CCDC171: variants seen among roughly 807,000 people sequenced by gnomAD.
The protein encoded by CCDC171 is coiled-coil domain-containing protein 171.
In CCDC171, 177 loss-of-function variants were observed where a neutral mutation model predicts 168.2. That is an observed-to-expected ratio of 1.05 (90% CI 0.93 to 1.19). The LOEUF is 1.19. CCDC171 is among the 50% of genes most tolerant of loss of function. The pLI is 0.00. For synonymous variants in CCDC171, 687 were observed against 540.8 expected (o/e 1.27, Z -3.75); for missense variants, 1,991 against 1,539.0 (o/e 1.29, Z -4.91).
intron 11 of CCDC171, among the ~76,000 whole-genome samples, chr9:15,715,140 C>T (rs769819671): frequency 1.1e-4 from 16 of 152,150 alleles, no homozygotes; most frequent in African/African-American, 1.4e-4. Flanking sequence ...AACTCATCAA[C>T]GAAGCAGGGA....
intron 3 of CCDC171, among the ~76,000 whole-genome samples, chr9:16,019,445 T>C (rs1043744348): frequency 1.3e-5 from 2 of 152,202 alleles, no homozygotes; most frequent in Non-Finnish European, 2.9e-5. Context: ...GTTAGGAAGA[T>C]AGAAGGCTAC....
chr9:15,822,935 C>G (rs1397302958), intron 21 of CCDC171, among the ~76,000 whole-genome samples: 3 of 152,110 alleles, frequency 2.0e-5, no homozygotes, highest in African/African-American at 4.8e-5. Context: ...GGAACCAACC[C>G]AAATGTCCAA....
intron 25 of CCDC171, among the ~76,000 whole-genome samples, chr9:15,958,508 G>A (rs1830026139): frequency 8.2e-6 from 1 of 122,308 alleles, no homozygotes; most frequent in Admixed American, 8.1e-5. Flanking sequence ...TAATAACACG[G>A]AGGTGAGGTA....
intron 24 of CCDC171, among the ~76,000 whole-genome samples, chr9:15,909,504 A>G (rs527887215): frequency 4.6e-5 from 7 of 152,232 alleles, no homozygotes; most frequent in Admixed American, 4.6e-4. Context: ...ACAACTTTTT[A>G]CTGGAATGGA....
intron 3 of CCDC171, among the ~76,000 whole-genome samples, chr9:16,019,401 C>A (rs1456128776): frequency 6.6e-6 from 1 of 152,168 alleles, no homozygotes; most frequent in Non-Finnish European, 1.5e-5. Flanking sequence ...CAAGTAGAGA[C>A]TAATTCCCTG....
intron 7 of CCDC171, among the ~76,000 whole-genome samples, chr9:15,653,893 C>CT (rs1564145438): frequency 6.6e-6 from 1 of 152,176 alleles, no homozygotes. Flanking sequence ...ACGGGGGCCA[C>CT]TGTGCCTGGC....
At chr9:16,093,561 G>C in the CCDC171 span, among the ~76,000 whole-genome samples, 2 of 152,242 alleles carry the variant, frequency 1.3e-5, no homozygotes, top group African/African-American at 4.8e-5. Context: ...GAAAGAAGGA[G>C]AAAAGAATAG....
rs536638201 is a variant in CCDC171 at position 15,599,115 on chromosome 9, G to A, written c.675+4943G>A. Reference sequence around the variant, plus strand: ...GACTCTTTATCCAATTTGCCAGTGTGTGTCTTTTAATTGGAGCATTTAGCC... The same window carrying A: ...GACTCTTTATCCAATTTGCCAGTGTATGTCTTTTAATTGGAGCATTTAGCC... On this transcript the variant is annotated intron_variant, in intron 6 of 25. Transcript: ENST00000380701. 6.7e-3 allele frequency among the ~76,000 whole-genome samples: 1,026 copies of A among 152,264 alleles called. 9 individuals carry two copies. The highest frequency in any genetic ancestry group is 0.024 in the African/African-American group (999 of 41,526).
chr9:15,811,692 A>T (rs1404979233), intron 21 of CCDC171, among the ~76,000 whole-genome samples: 1 of 152,070 alleles, frequency 6.6e-6, no homozygotes, highest in East Asian at 1.9e-4. Flanking sequence ...TCCTTAGGAG[A>T]CCTCAGATTC....
At position 15,558,808 on chromosome 9, in the gene CCDC171, C is replaced by G. The variant is rs2039025636; in HGVS notation, c.-111-5170C>G. Among the ~76,000 whole-genome samples the G allele has an allele frequency of 2.0e-5, 3 of 152,052 alleles. No individual in the cohort carries two copies. The South Asian group carries it at 6.2e-4, about 32-fold the overall frequency. On this transcript the variant is annotated intron_variant, in intron 1 of 25. Coordinates refer to ENST00000380701, the MANE Select transcript of CCDC171 (RefSeq NM_173550.4). ...TGTGTTTGCTGTTGCTTCTCTAGTT[C>G]TTTTAATTGTGATGTTAGGGTATCA... is the stretch of plus-strand genomic sequence containing the variant.
chr9:15,920,147 T>A, intron 24 of CCDC171, 123 bp from the exon 25 acceptor site: 1 of 557,356 alleles, frequency 1.8e-6, no homozygotes, highest in Non-Finnish European at 2.9e-6. Context: ...GCTTTATTAT[T>A]TTAAAGAAAG....
chr9:15,612,782 G>T (rs1458047025), intron 6 of CCDC171, among the ~76,000 whole-genome samples: 11 of 151,996 alleles, frequency 7.2e-5, no homozygotes. Context: ...TGATACTTTG[G>T]TGGCTTTATT....
At chr9:16,003,937 G>A (rs1052220861) in intron 3 of CCDC171, among the ~76,000 whole-genome samples, 7 of 152,184 alleles carry the variant, frequency 4.6e-5, no homozygotes, top group Non-Finnish European at 1.0e-4. Context: ...AACACACGGC[G>A]GGGAGTCTGG....
intron 4 of CCDC171, chr9:15,588,215 A>G (rs1486774407): frequency 1.3e-5 from 2 of 158,674 alleles, no homozygotes; most frequent in African/African-American, 4.8e-5. Context: ...AGCCTGGGTG[A>G]GAGAGTGAGA....
chr9:15,898,128 G>A (rs567058263), intron 24 of CCDC171, among the ~76,000 whole-genome samples: 19 of 152,306 alleles, frequency 1.2e-4, no homozygotes, highest in Admixed American at 4.6e-4. Context: ...TGCAGTAGCT[G>A]TTGTTATAAC....
In CCDC171 at chr9:15,901,031, C is replaced by T. The variant is rs186435211; in HGVS notation, c.3601-19239C>T. Among the ~76,000 whole-genome samples the T allele has an allele frequency of 2.0e-5, 3 of 152,180 alleles. No individual in the cohort carries two copies. The East Asian group carries it at 5.8e-4, about 29-fold the overall frequency. On this transcript the variant is annotated intron_variant, in intron 24 of 25. Coordinates refer to ENST00000380701, the MANE Select transcript of CCDC171 (RefSeq NM_173550.4). ...CTTCCCTAACATATATACATTCATT[C>T]CTTAATAACTTATATATGTGTTGTT...
chr9:15,740,881 T>C (rs1016199621), intron 16 of CCDC171, among the ~76,000 whole-genome samples: 2 of 152,210 alleles, frequency 1.3e-5, no homozygotes, highest in African/African-American at 4.8e-5. Context: ...ACTACGTTTA[T>C]CAATTTACTT....
intron 1 of CCDC171, among the ~76,000 whole-genome samples, chr9:16,048,179 T>C (rs967947185): frequency 6.6e-6 from 1 of 152,232 alleles, no homozygotes. Flanking sequence ...ACTCAGTCCC[T>C]TGAGCTTCCT....
chr9:15,574,567 T>C (rs1174468898), intron 3 of CCDC171, among the ~76,000 whole-genome samples: 1 of 151,852 alleles, frequency 6.6e-6, no homozygotes, highest in African/African-American at 2.4e-5. Flanking sequence ...GTGTAAGCCA[T>C]TGAGCCACTG....
Sources: allele counts gnomAD v4.1 joint callset (sites outside exome capture counted in the v4.1 genomes callset), GRCh38; gene constraint gnomAD v4.1.1; transcripts MANE v1.5; gene names NCBI Gene and HGNC (gene_info 2026-07-23, HGNC 2026-07-21).